IDE: variants seen among roughly 807,000 people sequenced by gnomAD.
IDE encodes the protein insulin-degrading enzyme.
IDE carries 58 observed loss-of-function variants against 133.2 expected under a neutral mutation model. The observed-to-expected ratio is 0.44, with a 90% CI of 0.35 to 0.54. The LOEUF (loss-of-function observed/expected upper bound fraction) is 0.54, where lower values mean the gene tolerates loss of function less well. Ranked by LOEUF, IDE falls within the 20% of genes least tolerant of loss-of-function variation. The pLI, the probability that IDE is intolerant of heterozygous loss-of-function variation, is 0.00. For synonymous variants in IDE, 396 were observed against 421.3 expected, an observed-to-expected ratio of 0.94 and a Z score of 0.73; for missense variants, 981 against 1,234.0, an observed-to-expected ratio of 0.79 and a Z score of 3.07.
chr10:92,477,138 C>T (rs1846298138), intron 15 of IDE, among the ~76,000 whole-genome samples: 1 of 150,402 alleles, frequency 6.6e-6, no homozygotes, highest in Admixed American at 6.6e-5. Flanking sequence ...TATGTATCAT[C>T]AGGACCTTGG....
rs764149128 is a variant in IDE, at chr10:92,454,516, G to A, written c.2988C>T (p.Thr996=). The A allele has an allele frequency of 1.2e-5, 20 of 1,613,522 alleles. No homozygotes were observed. The highest frequency in any genetic ancestry group is 8.3e-5 in the Admixed American group (5 of 59,996). ...LPQPEVIQNM[T]EFKRGLPLFP... ...ACAGTGGCAGACCACGCTTGAATTC[G>A]GTCATGTTCTGAATCACTTCAGGCT... The change falls in exon 25 of 25, where the codon ACC becomes ACT. Residue 996 remains threonine, a synonymous_variant. Transcript: ENST00000265986.
chr10:92,460,997 C>T (rs943891978), intron 22 of IDE, among the ~76,000 whole-genome samples, 194 bp downstream of exon 22: 10 of 152,164 alleles, frequency 6.6e-5, no homozygotes, highest in Middle Eastern at 3.4e-3. Flanking sequence ...TATGCCACTA[C>T]GCCCAGCTAA....
At chr10:92,506,669 T>C (rs1029448989) in intron 9 of IDE, 147 bp from the exon 10 acceptor site, 9 of 473,776 alleles carry the variant, frequency 1.9e-5, no homozygotes, top group Non-Finnish European at 3.3e-5. Flanking sequence ...ATGCTTGATT[T>C]AGAAATGTAT....
At chr10:92,510,791 G>T (rs1037759469) in intron 5 of IDE, among the ~76,000 whole-genome samples, 2 of 94,750 alleles carry the variant, frequency 2.1e-5, no homozygotes, top group Non-Finnish European at 2.2e-5. Context: ...CATCTCACAT[G>T]ATATATAGCA....
At chr10:92,502,402 C>T (rs1189027434) in intron 11 of IDE, among the ~76,000 whole-genome samples, 6 of 151,994 alleles carry the variant, frequency 3.9e-5, no homozygotes, top group Non-Finnish European at 7.4e-5. Context: ...TAATATTATG[C>T]TTTTGTTGCT....
At chr10:92,519,217 C>CTTTT (rs1849086480) in intron 4 of IDE, among the ~76,000 whole-genome samples, 1 of 152,108 alleles carries the variant, frequency 6.6e-6, no homozygotes, top group Non-Finnish European at 1.5e-5. Context: ...TGGCTAGAAG[C>CTTTT]TGAGTAAATG....
chr10:92,557,964 A>C (rs1843094659), intron 1 of IDE, among the ~76,000 whole-genome samples: 1 of 152,218 alleles, frequency 6.6e-6, no homozygotes, highest in East Asian at 1.9e-4. Context: ...ACATGTAAAA[A>C]GATGAAGTTG....
At chr10:92,550,380 T>A (rs1842723601) in intron 1 of IDE, among the ~76,000 whole-genome samples, 1 of 152,048 alleles carries the variant, frequency 6.6e-6, no homozygotes, top group Non-Finnish European at 1.5e-5. Context: ...AAATGGCCAA[T>A]AAGCATATAA....
intron 11 of IDE, among the ~76,000 whole-genome samples, chr10:92,503,513 G>A (rs1268976147): frequency 1.3e-5 from 2 of 152,000 alleles, no homozygotes; most frequent in Non-Finnish European, 2.9e-5. Context: ...AAAGTCACCC[G>A]AGTCCACCAA....
At chr10:92,566,413 T>TCTCACA (rs777335340) in intron 1 of IDE, among the ~76,000 whole-genome samples, 9 of 137,638 alleles carry the variant, frequency 6.5e-5, no homozygotes, top group African/African-American at 2.2e-4. Context: ...TCTCTCTCTC[T>TCTCACA]CACACACACA....
intron 11 of IDE, among the ~76,000 whole-genome samples, chr10:92,504,025 ATTTTT>A (rs5786999): frequency 6.7e-6 from 1 of 149,790 alleles, no homozygotes; most frequent in South Asian, 2.1e-4. Flanking sequence ...GCCCAAAAAG[ATTTTT>A]TTTTTTTTAC....
intron 4 of IDE, among the ~76,000 whole-genome samples, chr10:92,528,376 A>G (rs1849738623): frequency 6.6e-6 from 1 of 151,994 alleles, no homozygotes; most frequent in South Asian, 2.1e-4. Context: ...ACTGTCTATC[A>G]CTTTGGACTA....
chr10:92,509,920 C>CAAAA, intron 6 of IDE, 130 bp downstream of exon 6: 1 of 463,732 alleles, frequency 2.2e-6, no homozygotes, highest in Non-Finnish European at 3.7e-6. Context: ...GACTCTGTTT[C>CAAAA]CAAAAAAAAA....
intron 17 of IDE, among the ~76,000 whole-genome samples, chr10:92,472,642 CTTTTT>C (rs35959170): frequency 3.2e-5 from 4 of 125,928 alleles, no homozygotes; most frequent in Admixed American, 8.1e-5. Context: ...CAACAGAATT[CTTTTT>C]TTTTTTTTTT....
At chr10:92,515,282 C>T (rs1303662494) in intron 4 of IDE, among the ~76,000 whole-genome samples, 3 of 143,590 alleles carry the variant, frequency 2.1e-5, no homozygotes, top group Admixed American at 7.0e-5. Flanking sequence ...TTTTTTGAGA[C>T]GGAGTCTTGC....
rs1184664384 is a variant in IDE, at chr10:92,534,676, G to A, written c.393C>T (p.Leu131=). 19 of 1,613,350 alleles carry A rather than the reference G, an allele frequency of 1.2e-5. No individual in the cohort carries two copies. Among genetic ancestry groups the A allele is most frequent in the South Asian group, 2.2e-5 (2 of 91,064 alleles). The change falls in exon 3 of 25, where the codon CTC becomes CTT. Residue 131 remains leucine, a synonymous_variant. Transcript: ENST00000265986. ...YPKENEYSQF[L]SEHAGSSNAF... ...CATTTGAACTTCCTGCATGCTCACT[G>A]AGAAACTGGCTGTATTCATTTTCTT... is the stretch of plus-strand genomic sequence containing the variant.
At chr10:92,530,658 A>AC (rs1407429265) in intron 4 of IDE, among the ~76,000 whole-genome samples, 1 of 152,214 alleles carries the variant, frequency 6.6e-6, no homozygotes, top group Admixed American at 6.5e-5. Context: ...CACAAAAATC[A>AC]CTTTTTAAAA....
At position 92,502,312 on chromosome 10, in the gene IDE, C is replaced by T. The variant is rs369622912; in HGVS notation, c.1430+2482G>A. On this transcript the variant is annotated intron_variant, in intron 11 of 24. Transcript: ENST00000265986. The stretch of plus-strand genomic sequence containing the variant: ...TATTTAGGTCTTCTTTCATTTTTCT[C>T]GGCTAATATTTGCTCTCTTCTACTG... Among the ~76,000 whole-genome samples the T allele has an allele frequency of 6.6e-5, 10 of 152,206 alleles. No individual in the cohort carries two copies. In the South Asian group the frequency reaches 8.3e-4, roughly 13 times the overall value.
At chr10:92,466,807 G>A (rs1589371442) in intron 19 of IDE, among the ~76,000 whole-genome samples, 3 of 151,410 alleles carry the variant, frequency 2.0e-5, no homozygotes, top group South Asian at 2.1e-4. Flanking sequence ...TAGTAGAGAC[G>A]GGGTTTCACC....
Sources: gnomAD v4.1 joint callset for allele counts (sites outside exome capture counted in the v4.1 genomes callset) on GRCh38, gnomAD v4.1.1 for gene constraint, MANE v1.5 for transcripts, NCBI Gene and HGNC (gene_info 2026-07-23, HGNC 2026-07-21) for gene names.